FAM83H: variants seen among roughly 807,000 people sequenced by gnomAD.
FAM83H encodes the protein scaffolding CK1 anchoring protein H, also known as protein FAM83H.
Under a neutral mutation model 30.2 loss-of-function variants are expected in FAM83H, and 24 were observed. The observed-to-expected ratio is 0.79, with a 90% CI of 0.57 to 1.12. The LOEUF (loss-of-function observed/expected upper bound fraction) is 1.12, where lower values mean the gene tolerates loss of function less well. FAM83H is among the 50% of genes most tolerant of loss of function. The pLI, the probability that FAM83H is intolerant of heterozygous loss-of-function variation, is 0.00. For synonymous variants in FAM83H, 1,013 were observed against 821.7 expected (o/e 1.23, Z -3.98); for missense variants, 2,038 against 1,773.9 (o/e 1.15, Z -2.67).
chr8:143,727,222 C>G lies in FAM83H; in HGVS notation c.2239G>C (p.Asp747His). The change falls in exon 5 of 5, where the codon GAT becomes CAT. Residue 747 changes from aspartate to histidine, a missense_variant. Coordinates refer to ENST00000388913, the MANE Select transcript of FAM83H (RefSeq NM_198488.5). The stretch of plus-strand genomic sequence containing the variant: ...ATGGCGCCCGCGCCGCCGCCGGGAT[C>G]ACGGGCTGGGCCCTTGTACTTCTCC... ...LLEKYKGPAR[D>H]PGGGAGAITV... The G allele has an allele frequency of 2.0e-6, 3 of 1,533,862 alleles. No homozygotes were observed. The highest frequency in any genetic ancestry group is 2.6e-6 in the Non-Finnish European group (3 of 1,145,604).
chr8:143,732,822 G>A (rs782194180), intron 1 of FAM83H: 12 of 757,496 alleles, frequency 1.6e-5, no homozygotes, highest in Admixed American at 1.3e-4. Context: ...GGGAGGGCGC[G>A]GAACCCACCC....
Position 143,725,480 on chromosome 8 carries a change from C to T in FAM83H, c.*441G>A, listed in dbSNP as rs1177881323. 4 of 212,676 alleles carry T rather than the reference C, an allele frequency of 1.9e-5. No homozygotes were observed. Among genetic ancestry groups the T allele is most frequent in the African/African-American group, 9.3e-5 (4 of 43,208 alleles). The allele number at this position is 212,676 out of a possible 1,614,324, so 13.2% of individuals were successfully genotyped here. ...GCGTGGTAGCATACATCTGTAATCCCAGCTACTCAGGAGGCTGAGGCAGGA... is the reference window on the plus strand; with the variant it reads ...GCGTGGTAGCATACATCTGTAATCCTAGCTACTCAGGAGGCTGAGGCAGGA... On this transcript the variant is annotated 3_prime_UTR_variant, in exon 5 of 5. Transcript: ENST00000388913.
At chr8:143,731,607 G>A (rs1554624500) in intron 1 of FAM83H, 1 of 985,306 alleles carries the variant, frequency 1.0e-6, no homozygotes, top group Non-Finnish European at 1.2e-6. Context: ...CCTCTTTCTT[G>A]TCACTGTCCC....
At chr8:143,731,171 C>T (rs1185258509) in intron 1 of FAM83H, among the ~76,000 whole-genome samples, 2 of 148,934 alleles carry the variant, frequency 1.3e-5, no homozygotes, top group African/African-American at 5.0e-5. Flanking sequence ...ACAATCCAGG[C>T]TGCATTCATC....
At chr8:143,732,549 C>T (rs950425840) in intron 1 of FAM83H, 25 of 985,238 alleles carry the variant, frequency 2.5e-5, no homozygotes, top group Non-Finnish European at 3.0e-5. Flanking sequence ...TTTCAGTGTC[C>T]AGGCTCCAGG....
chr8:143,726,283 G>T lies in FAM83H; in HGVS notation c.3178C>A (p.Pro1060Thr). Reference protein sequence around the residue: ...HGQKHRAVPAPSPGPTHNSPE... With the variant: ...HGQKHRAVPATSPGPTHNSPE... ...CTGTTGTGGGTCGGGCCGGGGCTCGGGGCAGGGACCGCACGGTGCTTCTGG... is the reference window on the plus strand; with the variant it reads ...CTGTTGTGGGTCGGGCCGGGGCTCGTGGCAGGGACCGCACGGTGCTTCTGG... Residue 1060 changes from proline (P) to threonine (T), a missense_variant, in exon 5 of 5, where the codon CCG becomes ACG. Transcript: ENST00000388913. 6.2e-7 allele frequency: 1 copy of T among 1,612,240 alleles called. No individual in the cohort carries two copies.
rs781886472 is a variant in FAM83H, at chr8:143,726,848, G to A, written c.2613C>T (p.Pro871=). 10 of 1,612,968 alleles carry A rather than the reference G, an allele frequency of 6.2e-6. No individual in the cohort carries two copies. The highest frequency in any genetic ancestry group is 5.0e-5 in the Admixed American group (3 of 60,006). ...QVLHNESKGS[P]TSAYPERKGS... is the part of the protein sequence containing the mutation. ...CCTTCCGCTCAGGGTAAGCCGAGGTGGGGCTCCCTTTTGACTCATTATGGA... is the reference window on the plus strand; with the variant it reads ...CCTTCCGCTCAGGGTAAGCCGAGGTAGGGCTCCCTTTTGACTCATTATGGA... The change falls in exon 5 of 5, where the codon CCC becomes CCT. Residue 871 remains proline (P), a synonymous_variant. Transcript: ENST00000388913.
At chr8:143,731,709 C>T (rs1213040000) in intron 1 of FAM83H, 1 of 985,374 alleles carries the variant, frequency 1.0e-6, no homozygotes, top group South Asian at 4.7e-5. Context: ...TGGCTCTCCA[C>T]TTGCTCAGAG....
At position 143,727,667 on chromosome 8, in the gene FAM83H, G is replaced by A. The variant is rs782405604; in HGVS notation, c.1794C>T (p.Asp598=). The change falls in exon 5 of 5, where the codon GAC becomes GAT. Residue 598 remains aspartate (D), a synonymous_variant. Transcript: ENST00000388913. ...CCGCTTCCATGGGCGCCGGTAGGCC[G>A]TCGTCGCCCCCATCCTCGCCGTGGC... ...SGCHGEDGGD[D]GLPAPMEAEA... 14 of 1,570,674 alleles carry A rather than the reference G, an allele frequency of 8.9e-6. No homozygotes were observed. Among genetic ancestry groups the A allele is most frequent in the Non-Finnish European group, 1.1e-5 (13 of 1,166,024 alleles).
chr8:143,732,428 G>A (rs1818557136), intron 1 of FAM83H: 1 of 985,256 alleles, frequency 1.0e-6, no homozygotes, highest in Non-Finnish European at 1.2e-6. Context: ...CTGTCTGTAG[G>A]GGCGGTGTCT....
chr8:143,728,618 G>A lies in FAM83H; in HGVS notation c.843C>T (p.Ser281=). ...CCGCGGCCGAGGGCACAAGCGGCTCGGACTGCGCGAAGAGGATGCGGAACT... is the reference window on the plus strand; with the variant it reads ...CCGCGGCCGAGGGCACAAGCGGCTCAGACTGCGCGAAGAGGATGCGGAACT... The part of the protein sequence containing the change: ...DEEFRILFAQ[S]EPLVPSAAAL... The change falls in exon 5 of 5, where the codon TCC becomes TCT. Residue 281 remains serine (S), a synonymous_variant. Coordinates refer to ENST00000388913, the MANE Select transcript of FAM83H (RefSeq NM_198488.5). 1 of 1,609,628 alleles carries A rather than the reference G, an allele frequency of 6.2e-7. No individual in the cohort carries two copies. The highest frequency in any genetic ancestry group is 1.3e-5 in the African/African-American group (1 of 75,030).
Position 143,727,829 on chromosome 8 carries a change from C to T in FAM83H, c.1632G>A (p.Leu544=), listed in dbSNP as rs1310091552. 1 of 1,322,578 alleles carries T rather than the reference C, an allele frequency of 7.6e-7. No homozygotes were observed. The highest frequency in any genetic ancestry group is 4.2e-5 in the Admixed American group (1 of 23,808). 81.9% of individuals were successfully genotyped at this position (1,322,578 alleles called of 1,614,324 possible). The change falls in exon 5 of 5, where the codon CTG becomes CTA. Residue 544 remains leucine (L), a synonymous_variant. Coordinates refer to ENST00000388913, the MANE Select transcript of FAM83H (RefSeq NM_198488.5). ...LEPSGAPRPN[L]TQRFPCQAAA... is the part of the protein sequence containing the mutation. The stretch of plus-strand genomic sequence containing the variant: ...CGGCCTGGCATGGGAAGCGCTGGGT[C>T]AGGTTGGGGCGCGGGGCTCCGCTGG...
In FAM83H at chr8:143,728,547, G is replaced by A. The variant is rs782210914; in HGVS notation, c.914C>T (p.Ala305Val). 4.4e-6 allele frequency: 7 copies of A among 1,575,928 alleles called. No individual in the cohort carries two copies. Among genetic ancestry groups the A allele is most frequent in the Non-Finnish European group, 5.2e-6 (6 of 1,161,636 alleles). Residue 305 changes from alanine (A) to valine (V), a missense_variant, in exon 5 of 5, where the codon GCC becomes GTC. Physicochemically the swap from Ala to Val is moderately conservative, Grantham distance 64. Transcript: ENST00000388913. ...DAYALAPYAG[A>V]GPLVGVPGVG... Reference sequence around the variant, plus strand: ...CCCAGGGACGCCCACGAGAGGCCCGGCCCCGGCATACGGAGCCAGGGCATA... The same window carrying A: ...CCCAGGGACGCCCACGAGAGGCCCGACCCCGGCATACGGAGCCAGGGCATA...
In FAM83H at chr8:143,726,362, G is replaced by A. The variant is rs536891981; in HGVS notation, c.3099C>T (p.Ser1033=). The change falls in exon 5 of 5, where the codon AGC becomes AGT. Residue 1033 remains serine (S), a synonymous_variant. Coordinates refer to ENST00000388913, the MANE Select transcript of FAM83H (RefSeq NM_198488.5). ...LSSATANALY[S]SNLRDDTKAI... is the part of the protein sequence containing the mutation. ...CCTTCGTGTCATCCCGAAGGTTGCTGCTGTACAAGGCGTTGGCCGTGGCTG... is the reference window on the plus strand; with the variant it reads ...CCTTCGTGTCATCCCGAAGGTTGCTACTGTACAAGGCGTTGGCCGTGGCTG... 42 of 1,611,388 alleles carry A rather than the reference G, an allele frequency of 2.6e-5. 1 individual carries two copies. In the South Asian group the frequency reaches 4.1e-4, roughly 16 times the overall value.
chr8:143,732,727 G>A (rs1818572755), intron 1 of FAM83H: 16 of 985,374 alleles, frequency 1.6e-5, no homozygotes, highest in Non-Finnish European at 1.7e-5. Flanking sequence ...TATGGACGGG[G>A]CTGCAGCCAC....
In FAM83H at chr8:143,728,646, T is replaced by C. The variant is rs782746569; in HGVS notation, c.815A>G (p.Glu272Gly). 1 of 1,606,904 alleles carries C rather than the reference T, an allele frequency of 6.2e-7. No individual in the cohort carries two copies. Among genetic ancestry groups the C allele is most frequent in the Non-Finnish European group, 8.5e-7 (1 of 1,179,876 alleles). Residue 272 changes from glutamate to glycine, a missense_variant, in exon 5 of 5, where the codon GAG (glutamate) becomes GGG (glycine). Transcript: ENST00000388913. ...CTGCGCGAAGAGGATGCGGAACTCCTCGTCGAAGCTGGAGACCAGCTCTCC... is the reference window on the plus strand; with the variant it reads ...CTGCGCGAAGAGGATGCGGAACTCCCCGTCGAAGCTGGAGACCAGCTCTCC... ...FQGELVSSFD[E>G]EFRILFAQSE...
At position 143,727,617 on chromosome 8, in the gene FAM83H, G is replaced by A. The variant is rs1554622713; in HGVS notation, c.1844C>T (p.Ala615Val). The change falls in exon 5 of 5, where the codon GCT (alanine) becomes GTT (valine). Residue 615 changes from alanine to valine, a missense_variant. Transcript: ENST00000388913. ...GCCGGCAGGTGCCCGGCCCCCGGGA[G>A]CCAGCACGTCGTCTTCGTAAGCCTC... ...EAEAYEDDVL[A>V]PGGRAPAGDL... The A allele has an allele frequency of 1.3e-6, 2 of 1,580,518 alleles. No homozygotes were observed. The highest frequency in any genetic ancestry group is 1.1e-5 in the South Asian group (1 of 88,700).
rs1324207690 is a variant in FAM83H, at chr8:143,724,096, G to C, written c.*1825C>G. 1.3e-5 allele frequency: 2 copies of C among 152,264 alleles called. No individual in the cohort carries two copies. The highest frequency in any genetic ancestry group is 4.8e-5 in the African/African-American group (2 of 41,452). 9.4% of individuals were successfully genotyped at this position (152,264 alleles called of 1,614,324 possible). A position where few individuals can be genotyped will look rare whatever the true frequency, so the allele number is the denominator to read the frequency against. On this transcript the variant is annotated 3_prime_UTR_variant, in exon 5 of 5. Transcript: ENST00000388913. ...GCCTGTCCGCTCAGCAACACCCCAG[G>C]CAGCACCAAGAATAACATGCCCACA...
At position 143,726,986 on chromosome 8, in the gene FAM83H, C is replaced by G; in HGVS notation, c.2475G>C (p.Arg825=). The part of the protein sequence containing the change: ...TAAQLLDTLG[R]SGSDRLPSRF... ...GGGAAGGCAGGCGGTCGGAGCCGCT[C>G]CGGCCCAGTGTGTCGAGCAGCTGCG... The change falls in exon 5 of 5, where the codon CGG becomes CGC. Residue 825 remains arginine (R), a synonymous_variant. Coordinates refer to ENST00000388913, the MANE Select transcript of FAM83H (RefSeq NM_198488.5). 6.3e-7 allele frequency: 1 copy of G among 1,596,840 alleles called. No individual in the cohort carries two copies. The highest frequency in any genetic ancestry group is 1.1e-5 in the South Asian group (1 of 89,566).
Sources: gnomAD v4.1 joint callset for allele counts (sites outside exome capture counted in the v4.1 genomes callset) on GRCh38, gnomAD v4.1.1 for gene constraint, MANE v1.5 for transcripts, NCBI Gene and HGNC (gene_info 2026-07-23, HGNC 2026-07-21) for gene names.